Variants in MZF1 observed in about 807,000 individuals in gnomAD.
MZF1 encodes the protein zinc finger and SCAN domain-containing protein 6.
MZF1 carries 24 observed loss-of-function variants against 28.6 expected under a neutral mutation model. The ratio of observed to expected loss-of-function variants is 0.84; its 90% CI spans 0.61 to 1.18. The LOEUF is 1.18. Ranked by LOEUF, MZF1 falls within the 50% of genes most tolerant of loss-of-function variation. The pLI, the probability that MZF1 is intolerant of heterozygous loss-of-function variation, is 0.00. For missense variants in MZF1, 1,166 were observed against 1,026.4 expected (o/e 1.14, Z -1.86); for synonymous variants, 516 against 432.5 (o/e 1.19, Z -2.40).
Position 58,562,968 on chromosome 19 carries a change from C to T in MZF1, c.1309G>A (p.Glu437Lys). The T allele has an allele frequency of 6.2e-7, 1 of 1,601,112 alleles. No homozygotes were observed. Among genetic ancestry groups the T allele is most frequent in the East Asian group, 2.2e-5 (1 of 44,820 alleles). The change falls in exon 6 of 6, where the codon GAA becomes AAA. Residue 437 changes from glutamate to lysine, a missense_variant. Transcript: ENST00000215057. ...CACTCAGCGCAACGGAAAGGCTGTT[C>T]GCCCGTGTGCACTCTCCGATGCTCT... ...LEEHRRVHTG[E>K]QPFRCAECGQ... is the part of the protein sequence containing the mutation.
chr19:58,573,343 C>G, upstream of MZF1: 1 of 152,582 alleles, frequency 6.6e-6, no homozygotes, highest in East Asian at 1.9e-4. Context: ...CCTACCAGAT[C>G]GCGCATGCCC....
chr19:58,564,898 G>GTTTTTTTTTTTTTTTTTTTTTTTTTTT lies in MZF1; in HGVS notation c.773-1395_773-1394insAAAAAAAAAAAAAAAAAAAAAAAAAAA, dbSNP rs1600099960. Among the ~76,000 whole-genome samples, 7 of 91,900 alleles carry GTTTTTTTTTTTTTTTTTTTTTTTTTTT rather than the reference G, an allele frequency of 7.6e-5. 3 individuals are homozygous for GTTTTTTTTTTTTTTTTTTTTTTTTTTT. The highest frequency in any genetic ancestry group is 3.7e-4 in the African/African-American group (7 of 18,900). 60.3% of individuals were successfully genotyped at this position (91,900 alleles called of 152,430 possible). A position where few individuals can be genotyped will look rare whatever the true frequency, so the allele number is the denominator to read the frequency against. On this transcript the variant is annotated intron_variant, in intron 5 of 5. Transcript: ENST00000215057. ...CAGGGTGGAGAATAAGCATCCATGT[G>GTTTTTTTTTTTTTTTTTTTTTTTTTTT]TGTGTTTTTTTTTTTTTTTTTTTTT...
intron 2 of MZF1, chr19:58,570,761 C>T: frequency 1.5e-6 from 1 of 649,370 alleles, no homozygotes; most frequent in South Asian, 2.0e-5. Context: ...CCCCATATTC[C>T]CCTAGCCTGC....
In MZF1 at chr19:58,563,182, G is replaced by T. The variant is rs755791522; in HGVS notation, c.1095C>A (p.Phe365Leu). The T allele has an allele frequency of 6.2e-7, 1 of 1,610,812 alleles. No homozygotes were observed. The highest frequency in any genetic ancestry group is 8.5e-7 in the Non-Finnish European group (1 of 1,179,700). The change falls in exon 6 of 6, where the codon TTC becomes TTA. Residue 365 changes from phenylalanine to leucine, a missense_variant. By Grantham distance (22) the Phe-to-Leu change is conservative (BLOSUM62 0). Coordinates refer to ENST00000215057, the MANE Select transcript of MZF1 (RefSeq NM_198055.2). The part of the protein sequence containing the change: ...GGRCDVCGKV[F>L]SQRSNLLRHQ... ...GCCTCAGCAGGTTGCTGCGTTGGCT[G>T]AACACCTTGCCACATACATCGCAAC...
intron 5 of MZF1, chr19:58,564,414 C>G (rs1180581791): frequency 1.3e-5 from 2 of 152,170 alleles, no homozygotes; most frequent in Non-Finnish European, 2.9e-5. Flanking sequence ...AAGTAAAGAG[C>G]TACAATAAAT....
chr19:58,565,523 C>T (rs935139328), intron 5 of MZF1, among the ~76,000 whole-genome samples: 1 of 151,502 alleles, frequency 6.6e-6, no homozygotes, highest in Non-Finnish European at 1.5e-5. Context: ...AGCCACCACG[C>T]CCAGCCCGTG....
At chr19:58,572,850 C>T (rs1477824088) in intron 1 of MZF1, 2 of 309,238 alleles carry the variant, frequency 6.5e-6, no homozygotes, top group African/African-American at 4.4e-5. Flanking sequence ...CCTAGGCAAC[C>T]GGGGGCGGGG....
chr19:58,564,907 T>G (rs889561082), intron 5 of MZF1, among the ~76,000 whole-genome samples: 11 of 74,328 alleles, frequency 1.5e-4, no homozygotes, highest in Non-Finnish European at 1.0e-4. Context: ...TGTGTGTTTT[T>G]TTTTTTTTTT....
At chr19:58,569,683 T>A in intron 3 of MZF1, 97 bp from the exon 4 acceptor site, 5 of 1,112,212 alleles carry the variant, frequency 4.5e-6, no homozygotes, top group Non-Finnish European at 6.4e-6. Flanking sequence ...AGAGGTGGGA[T>A]TCTTGGTTGT....
rs1414331594 is a variant in MZF1 at position 58,562,800 on chromosome 19, TCTCGCGGCA to T, written c.1468_1476del (p.Cys490_Glu492del). 6.5e-7 allele frequency: 1 copy of T among 1,533,872 alleles called. No homozygotes were observed. The highest frequency in any genetic ancestry group is 2.0e-5 in the Admixed American group (1 of 50,926). ...AGCAGCACGGCGCGCCGCGCGAAGC[TCTCGCGGCA>T]CTCGCTGCACGGAAAGGGGCCGGGA... On this transcript the variant is annotated inframe_deletion, in exon 6 of 6. Transcript: ENST00000215057.
chr19:58,565,815 A>AGC (rs1406745054), intron 5 of MZF1, among the ~76,000 whole-genome samples: 11 of 139,048 alleles, frequency 7.9e-5, no homozygotes, highest in Non-Finnish European at 1.5e-4. Flanking sequence ...TACAGGCGTG[A>AGC]CGTGCCGCGC....
At chr19:58,565,111 G>A (rs1218021375) in intron 5 of MZF1, among the ~76,000 whole-genome samples, 6 of 126,160 alleles carry the variant, frequency 4.8e-5, no homozygotes, top group Non-Finnish European at 9.7e-5. Flanking sequence ...TTTTTTTTTT[G>A]AGACGTAGTT....
Position 58,562,633 on chromosome 19 carries a change from C to A in MZF1, c.1644G>T (p.Gln548His), listed in dbSNP as rs1487272254. 6.4e-7 allele frequency: 1 copy of A among 1,562,320 alleles called. No individual in the cohort carries two copies. The highest frequency in any genetic ancestry group is 1.7e-4 in the Middle Eastern group (1 of 5,946). ...ERPFACAECG[Q>H]SFRQRSNLTQ... ...TCAGGTTGGAGCGCTGCCGGAAGCT[C>A]TGGCCGCACTCGGCACAGGCGAAGG... is the stretch of plus-strand genomic sequence containing the variant. Residue 548 changes from glutamine to histidine, a missense_variant, in exon 6 of 6, where the codon CAG (glutamine) becomes CAT (histidine). Transcript: ENST00000215057.
chr19:58,566,323 C>T (rs1050860061), intron 5 of MZF1, among the ~76,000 whole-genome samples: 1 of 151,806 alleles, frequency 6.6e-6, no homozygotes, highest in Non-Finnish European at 1.5e-5. Flanking sequence ...TGGAGCATGA[C>T]TGTAATCTCA....
intron 5 of MZF1, among the ~76,000 whole-genome samples, chr19:58,565,245 C>T (rs571020525): frequency 1.1e-4 from 17 of 152,074 alleles, no homozygotes; most frequent in Admixed American, 9.2e-4. Flanking sequence ...CAGGCATGCA[C>T]CACCACACCC....
chr19:58,564,862 C>A (rs1289762139), intron 5 of MZF1, among the ~76,000 whole-genome samples: 1 of 141,170 alleles, frequency 7.1e-6, no homozygotes, highest in Non-Finnish European at 1.5e-5. Context: ...CAAAAAATGC[C>A]AGATGTGGAA....
At chr19:58,564,760 A>G (rs540094436) in intron 5 of MZF1, 4 of 152,282 alleles carry the variant, frequency 2.6e-5, no homozygotes, top group South Asian at 2.1e-4. Context: ...AAGGTTTTCA[A>G]TGGTGTGTCC....
intron 5 of MZF1, chr19:58,564,675 CTT>C (rs1277891225): frequency 6.6e-6 from 1 of 152,174 alleles, no homozygotes; most frequent in Non-Finnish European, 1.5e-5. Context: ...ATGTCCCACA[CTT>C]TGTTCAAGTA....
intron 1 of MZF1, among the ~76,000 whole-genome samples, chr19:58,572,167 C>T (rs1399444513): frequency 6.6e-6 from 1 of 152,128 alleles, no homozygotes. Flanking sequence ...ACTTCACCTT[C>T]TATTCTCTCA....
Sources: allele counts gnomAD v4.1 joint callset (sites outside exome capture counted in the v4.1 genomes callset), GRCh38; gene constraint gnomAD v4.1.1; transcripts MANE v1.5; gene names NCBI Gene and HGNC (gene_info 2026-07-23, HGNC 2026-07-21).